The following CIAO1 variants were observed in gnomAD, a reference collection of about 807,000 sequenced individuals.
The protein encoded by CIAO1 is cytosolic iron-sulfur assembly component 1.
CIAO1 carries 32 observed loss-of-function variants against 43.1 expected under a neutral mutation model. The ratio of observed to expected loss-of-function variants is 0.74; its 90% CI spans 0.56 to 1.00. CIAO1 has a LOEUF of 1.00. Among genes scored for constraint, CIAO1 ranks in the 50% least tolerant of loss-of-function variants. CIAO1 has a pLI of 0.00. For synonymous variants in CIAO1, 183 were observed against 171.4 expected (o/e 1.07, Z -0.53); for missense variants, 415 against 437.4 (o/e 0.95, Z 0.46).
At position 96,268,644 on chromosome 2, in the gene CIAO1, C is replaced by T; in HGVS notation, c.677C>T (p.Pro226Leu). Residue 226 changes from proline (P) to leucine (L), a missense_variant, in exon 5 of 7, where the codon CCA (proline) becomes CTA (leucine). Pro to Leu is a moderately conservative substitution (Grantham distance 98, BLOSUM62 -3). Transcript: ENST00000488633. ...RTVRIWRQYL[P>L]GNEQGVACSG... ...GTGCGTATCTGGCGTCAGTATCTAC[C>T]AGGCAATGAACAAGGTGAGGTCCAT... 6.2e-7 allele frequency: 1 copy of T among 1,614,162 alleles called. No homozygotes were observed. Among genetic ancestry groups the T allele is most frequent in the Non-Finnish European group, 8.5e-7 (1 of 1,180,034 alleles).
rs1362149472 is a variant in CIAO1 at position 96,268,610 on chromosome 2, GA to G, written c.644del (p.Asp215AlafsTer49). 6.2e-6 allele frequency: 10 copies of G among 1,614,066 alleles called. No individual in the cohort carries two copies. Among genetic ancestry groups the G allele is most frequent in the African/African-American group, 1.3e-5 (1 of 74,924 alleles). On this transcript the variant is annotated frameshift_variant, in exon 5 of 7. Transcript: ENST00000488633. LOFTEE classifies it high-confidence loss of function. Reference protein sequence around the residue: ...SGQRLASCSDDRTVRIWRQYL... With the variant: ...SGQRLASCSDXRTVRIWRQYL... ...CCAGCGCCTGGCGTCTTGTAGTGAT[GA>G]CCGTACTGTGCGTATCTGGCGTCAG...
In CIAO1 at chr2:96,271,120, G is replaced by A. The variant is rs1684541255; in HGVS notation, c.789G>A (p.Leu263=). Residue 263 remains leucine, a synonymous_variant, in exon 7 of 7, where the codon CTG becomes CTA. Transcript: ENST00000488633. ...RTIYDIAWCQ[L]TGALATACGD... ...GTCACTTTCCTTCCAGGTGTCAGCT[G>A]ACAGGGGCTCTGGCCACAGCTTGTG... The A allele has an allele frequency of 1.9e-6, 3 of 1,614,090 alleles. No individual in the cohort carries two copies. Among genetic ancestry groups the A allele is most frequent in the Admixed American group, 3.3e-5 (2 of 60,008 alleles).
chr2:96,271,426 C>A lies in CIAO1; in HGVS notation c.*75C>A. ...AGACTTTACCAGCCCCTGAGAGGAC[C>A]AGGAGGAGCATCCTTGACCTTCATT... On this transcript the variant is annotated 3_prime_UTR_variant, in exon 7 of 7. Transcript: ENST00000488633. The A allele has an allele frequency of 6.5e-7, 1 of 1,534,300 alleles. No individual in the cohort carries two copies. Among genetic ancestry groups the A allele is most frequent in the Non-Finnish European group, 8.8e-7 (1 of 1,134,478 alleles).
chr2:96,269,239 T>C (rs1558758916), intron 5 of CIAO1, 29 bp from the exon 6 acceptor site: 1 of 1,606,780 alleles, frequency 6.2e-7, no homozygotes, highest in East Asian at 2.2e-5. Flanking sequence ...CATAGGAACG[T>C]TTAAGGGCAA....
At position 96,269,291 on chromosome 2, in the gene CIAO1, C is replaced by G. The variant is rs150250572; in HGVS notation, c.715C>G (p.Pro239Ala). The change falls in exon 6 of 7, where the codon CCC (proline) becomes GCC (alanine). Residue 239 changes from proline to alanine, a missense_variant. By Grantham distance (27) the Pro-to-Ala change is conservative (BLOSUM62 -1). Transcript: ENST00000488633. Reference sequence around the variant, plus strand: ...AGGGGTGGCATGCAGCGGCTCTGACCCCAGTTGGAAATGTATCTGTACTTT... The same window carrying G: ...AGGGGTGGCATGCAGCGGCTCTGACGCCAGTTGGAAATGTATCTGTACTTT... ...EQGVACSGSD[P>A]SWKCICTLSG... 6.2e-7 allele frequency: 1 copy of G among 1,613,992 alleles called. No homozygotes were observed. The highest frequency in any genetic ancestry group is 1.3e-5 in the African/African-American group (1 of 74,874).
At chr2:96,266,601 G>C (rs1684435344) in intron 1 of CIAO1, 112 bp downstream of exon 1, 17 of 1,174,856 alleles carry the variant, frequency 1.4e-5, no homozygotes, top group Non-Finnish European at 1.5e-5. Flanking sequence ...AGGGAGAGTG[G>C]GATGTTAGCC....
chr2:96,269,035 C>A (rs928661122), intron 5 of CIAO1: 4 of 591,732 alleles, frequency 6.8e-6, no homozygotes, highest in Non-Finnish European at 1.2e-5. Flanking sequence ...TTCACAGGCA[C>A]GCAAAGTAGT....
At position 96,267,479 on chromosome 2, in the gene CIAO1, C is replaced by CTGT; in HGVS notation, c.288+12_288+13insTTG. On this transcript the variant is annotated intron_variant, in intron 2 of 6. Coordinates refer to ENST00000488633, the MANE Select transcript of CIAO1 (RefSeq NM_004804.3). The stretch of plus-strand genomic sequence containing the variant: ...CCAGGATGACTTTGAGGTACCCAGG[C>CTGT]TGGTTGGGACCAGAATTATTGCCTG... 6.2e-7 allele frequency: 1 copy of CTGT among 1,613,762 alleles called. No homozygotes were observed. The highest frequency in any genetic ancestry group is 1.1e-5 in the South Asian group (1 of 91,042).
rs1345377600 is a variant in CIAO1 at position 96,273,361 on chromosome 2, A to G, written c.*2010A>G. On this transcript the variant is annotated 3_prime_UTR_variant, in exon 7 of 7. Coordinates refer to ENST00000488633, the MANE Select transcript of CIAO1 (RefSeq NM_004804.3). Reference sequence around the variant, plus strand: ...AGTTTTCGGAGTCTACATTGCCTTTAAGAAACTATGACTTGTAGTAAGCCG... The same window carrying G: ...AGTTTTCGGAGTCTACATTGCCTTTGAGAAACTATGACTTGTAGTAAGCCG... 6.6e-6 allele frequency: 1 copy of G among 152,218 alleles called. No homozygotes were observed. The highest frequency in any genetic ancestry group is 2.4e-5 in the African/African-American group (1 of 41,440). The allele number at this position is 152,218 out of a possible 1,614,324, so 9.4% of individuals were successfully genotyped here. A position where few individuals can be genotyped will look rare whatever the true frequency, so the allele number is the denominator to read the frequency against.
At position 96,266,401 on chromosome 2, in the gene CIAO1, CCG is replaced by C. The variant is rs1438430776; in HGVS notation, c.53_54del (p.Arg18LeufsTer30). 1 of 1,537,008 alleles carries C rather than the reference CCG, an allele frequency of 6.5e-7. No homozygotes were observed. On this transcript the variant is annotated frameshift_variant, in exon 1 of 7. Coordinates refer to ENST00000488633, the MANE Select transcript of CIAO1 (RefSeq NM_004804.3). LOFTEE classifies it high-confidence loss of function. ...LGRVPAHPDS[R>X]CWFLAWNPAG... is the part of the protein sequence containing the mutation. Reference sequence around the variant, plus strand: ...GCCGTGTCCCGGCGCACCCGGACTCCCGCTGCTGGTTCCTGGCCTGGAACCCC... The same window carrying C: ...GCCGTGTCCCGGCGCACCCGGACTCCCTGCTGGTTCCTGGCCTGGAACCCC...
rs1283766862 is a variant in CIAO1 at position 96,273,122 on chromosome 2, C to T, written c.*1771C>T. On this transcript the variant is annotated 3_prime_UTR_variant, in exon 7 of 7. Transcript: ENST00000488633. ...GCTTTCAAGCAAAAATTGGAATTTCCGAAAATCTGTACTCCACCATGAGCT... is the reference window on the plus strand; with the variant it reads ...GCTTTCAAGCAAAAATTGGAATTTCTGAAAATCTGTACTCCACCATGAGCT... The T allele has an allele frequency of 1.3e-5, 2 of 152,126 alleles. No individual in the cohort carries two copies. The highest frequency in any genetic ancestry group is 2.9e-5 in the Non-Finnish European group (2 of 68,032). The allele number at this position is 152,126 out of a possible 1,614,324, so 9.4% of individuals were successfully genotyped here.
rs1463313596 is a variant in CIAO1 at position 96,272,644 on chromosome 2, CT to C, written c.*1295del. On this transcript the variant is annotated 3_prime_UTR_variant, in exon 7 of 7. Coordinates refer to ENST00000488633, the MANE Select transcript of CIAO1 (RefSeq NM_004804.3). ...TGACCAACATGGAGAAACCCCGTCT[CT>C]TCTAAAAATACAAAATTAGCTGGGC... 2 of 152,130 alleles carry C rather than the reference CT, an allele frequency of 1.3e-5. No individual in the cohort carries two copies. The highest frequency in any genetic ancestry group is 2.9e-5 in the Non-Finnish European group (2 of 68,038). 9.4% of individuals were successfully genotyped at this position (152,130 alleles called of 1,614,324 possible).
In CIAO1 at chr2:96,271,344, G is replaced by T. The variant is rs1156727483; in HGVS notation, c.1013G>T (p.Gly338Val). 6.2e-7 allele frequency: 1 copy of T among 1,613,790 alleles called. No individual in the cohort carries two copies. Among genetic ancestry groups the T allele is most frequent in the Non-Finnish European group, 8.5e-7 (1 of 1,179,966 alleles). Residue 338 changes from glycine to valine, a missense_variant, in exon 7 of 7, where the codon GGC (glycine) becomes GTC (valine). By Grantham distance (109) the Gly-to-Val change is moderately radical. Coordinates refer to ENST00000488633, the MANE Select transcript of CIAO1 (RefSeq NM_004804.3). The part of the protein sequence containing the change: ...VAFWKYQRPE[G>V]L Reference sequence around the variant, plus strand: ...TTCTGGAAGTATCAGCGGCCTGAAGGCCTCTGAGCTACCTCGACTTTGGAC... The same window carrying T: ...TTCTGGAAGTATCAGCGGCCTGAAGTCCTCTGAGCTACCTCGACTTTGGAC...
chr2:96,271,053 A>T, intron 6 of CIAO1, 58 bp from the exon 7 acceptor site: 1 of 1,604,068 alleles, frequency 6.2e-7, no homozygotes, highest in East Asian at 2.2e-5. Flanking sequence ...GGAACTATGG[A>T]ACAGGTCTCT....
rs577597517 is a variant in CIAO1, at chr2:96,273,650, G to A, written c.*2299G>A. On this transcript the variant is annotated 3_prime_UTR_variant, in exon 7 of 7. Transcript: ENST00000488633. ...TGGACTCCAGCCTGGGTGACAGAGC[G>A]AGACTCCATTTCAAAAAAAAAAAAA... Among the ~76,000 whole-genome samples, 59 of 129,014 alleles carry A rather than the reference G, an allele frequency of 4.6e-4. No homozygotes were observed. Among genetic ancestry groups the A allele is most frequent in the Middle Eastern group, 6.1e-3 (1 of 164 alleles). The allele number at this position is 129,014 out of a possible 152,430, so 84.6% of individuals were successfully genotyped here. A position where few individuals can be genotyped will look rare whatever the true frequency, so the allele number is the denominator to read the frequency against.
In CIAO1 at chr2:96,272,990, G is replaced by C. The variant is rs1684582577; in HGVS notation, c.*1639G>C. 1 of 152,140 alleles carries C rather than the reference G, an allele frequency of 6.6e-6. No individual in the cohort carries two copies. Among genetic ancestry groups the C allele is most frequent in the South Asian group, 2.1e-4 (1 of 4,834 alleles). The allele number at this position is 152,140 out of a possible 1,614,324, so 9.4% of individuals were successfully genotyped here. A position where few individuals can be genotyped will look rare whatever the true frequency, so the allele number is the denominator to read the frequency against. ...ATGCCCTTTAGAATTGAAAGAACTAGCAGATTACGGTATTTAGACTTGAAT... is the reference window on the plus strand; with the variant it reads ...ATGCCCTTTAGAATTGAAAGAACTACCAGATTACGGTATTTAGACTTGAAT... On this transcript the variant is annotated 3_prime_UTR_variant, in exon 7 of 7. Transcript: ENST00000488633.
At chr2:96,267,222 C>T in intron 1 of CIAO1, 99 bp from the exon 2 acceptor site, 1 of 1,205,738 alleles carries the variant, frequency 8.3e-7, no homozygotes, top group Non-Finnish European at 1.1e-6. Flanking sequence ...ACTCCCTGAG[C>T]TTTCCCCCAC....
Position 96,266,350 on chromosome 2 carries a change from C to T in CIAO1, c.-1C>T, listed in dbSNP as rs1684428879. 2.1e-6 allele frequency: 3 copies of T among 1,434,826 alleles called. No individual in the cohort carries two copies. Among genetic ancestry groups the T allele is most frequent in the Non-Finnish European group, 2.8e-6 (3 of 1,078,240 alleles). 88.9% of individuals were successfully genotyped at this position (1,434,826 alleles called of 1,614,324 possible). A position where few individuals can be genotyped will look rare whatever the true frequency, so the allele number is the denominator to read the frequency against. On this transcript the variant is annotated 5_prime_UTR_variant, in exon 1 of 7. Coordinates refer to ENST00000488633, the MANE Select transcript of CIAO1 (RefSeq NM_004804.3). ...CCCACCTCCCCCTGCGTCGGGCCGA[C>T]ATGAAGGACTCGCTGGTGCTGCTGG...
Position 96,271,562 on chromosome 2 carries a change from A to G in CIAO1, c.*211A>G. Reference sequence around the variant, plus strand: ...CAGTAAAGAGCTACAGAACATGAGTACATTGTTATACCACAGATTTTTCTT... The same window carrying G: ...CAGTAAAGAGCTACAGAACATGAGTGCATTGTTATACCACAGATTTTTCTT... On this transcript the variant is annotated 3_prime_UTR_variant, in exon 7 of 7. Coordinates refer to ENST00000488633, the MANE Select transcript of CIAO1 (RefSeq NM_004804.3). 1.8e-6 allele frequency: 1 copy of G among 570,692 alleles called. No individual in the cohort carries two copies. The highest frequency in any genetic ancestry group is 3.1e-6 in the Non-Finnish European group (1 of 325,448). The allele number at this position is 570,692 out of a possible 1,614,324, so 35.4% of individuals were successfully genotyped here. A position where few individuals can be genotyped will look rare whatever the true frequency, so the allele number is the denominator to read the frequency against.
Sources: allele counts gnomAD v4.1 joint callset (sites outside exome capture counted in the v4.1 genomes callset), GRCh38; gene constraint gnomAD v4.1.1; transcripts MANE v1.5; gene names NCBI Gene and HGNC (gene_info 2026-07-23, HGNC 2026-07-21).